Variants in RAD51B observed in about 807,000 individuals in gnomAD.
RAD51B encodes DNA repair protein RAD51 homolog 2.
RAD51B carries 38 observed loss-of-function variants against 42.2 expected under a neutral mutation model. The observed-to-expected ratio is 0.90, with a 90% CI of 0.70 to 1.18. RAD51B has a LOEUF of 1.18. Ranked by LOEUF, RAD51B falls within the 50% of genes most tolerant of loss-of-function variation. The pLI, the probability that RAD51B is intolerant of heterozygous loss-of-function variation, is 0.00. For synonymous variants in RAD51B, 154 were observed against 145.2 expected (o/e 1.06, Z -0.43); for missense variants, 373 against 400.7 (o/e 0.93, Z 0.59).
chr14:67,848,565 T>C (rs1025001146), intron 4 of RAD51B, among the ~76,000 whole-genome samples: 14 of 151,984 alleles, frequency 9.2e-5, no homozygotes, highest in African/African-American at 3.1e-4. Flanking sequence ...TTAAGTGGGG[T>C]GTTTAGAACA....
chr14:68,002,910 A>G (rs1158511230), intron 7 of RAD51B, among the ~76,000 whole-genome samples: 1 of 152,174 alleles, frequency 6.6e-6, no homozygotes, highest in African/African-American at 2.4e-5. Context: ...TACCAGTACC[A>G]TGCTGTTTTA....
chr14:68,675,177 T>G (rs1252298271), intron 11 of RAD51B, among the ~76,000 whole-genome samples: 1 of 152,126 alleles, frequency 6.6e-6, no homozygotes, highest in African/African-American at 2.4e-5. Context: ...CTCTCCTGCC[T>G]CCCTTTCTTG....
At chr14:68,275,373 A>G (rs2081199937) in intron 7 of RAD51B, among the ~76,000 whole-genome samples, 1 of 152,166 alleles carries the variant, frequency 6.6e-6, no homozygotes, top group Non-Finnish European at 1.5e-5. Flanking sequence ...GGCTTTGAAA[A>G]CATAATGGAA....
chr14:68,001,030 CTT>C (rs906674983), intron 7 of RAD51B, among the ~76,000 whole-genome samples: 4 of 152,072 alleles, frequency 2.6e-5, no homozygotes, highest in Admixed American at 1.3e-4. Context: ...ATATTATAGA[CTT>C]TTGTCCTCAA....
chr14:68,527,583 C>T (rs1000489186), intron 10 of RAD51B, among the ~76,000 whole-genome samples: 1 of 152,250 alleles, frequency 6.6e-6, no homozygotes, highest in Non-Finnish European at 1.5e-5. Flanking sequence ...TGTTTTGCTG[C>T]TCCTTTCACT....
At chr14:68,050,566 T>C (rs2076375866) in intron 7 of RAD51B, among the ~76,000 whole-genome samples, 1 of 152,218 alleles carries the variant, frequency 6.6e-6, no homozygotes, top group Non-Finnish European at 1.5e-5. Flanking sequence ...ATCAAAATTT[T>C]GATAACTGTC....
rs1232663385 is a variant in RAD51B, at chr14:68,247,322, G to A, written c.757-44562G>A. Among the ~76,000 whole-genome samples, 5 of 151,904 alleles carry A rather than the reference G, an allele frequency of 3.3e-5. No homozygotes were observed. The East Asian group carries it at 5.8e-4, about 18-fold the overall frequency. ...AATTACATTATAGCTAGTCTATCAC[G>A]GATTTTGAATTGTCTTTAAATTTTG... On this transcript the variant is annotated intron_variant, in intron 7 of 10. Transcript: ENST00000471583.
chr14:68,100,950 C>T (rs954762986), intron 7 of RAD51B, among the ~76,000 whole-genome samples: 3 of 152,202 alleles, frequency 2.0e-5, no homozygotes, highest in African/African-American at 7.2e-5. Context: ...TTAATTGACT[C>T]ACAGTTCTGC....
chr14:68,301,512 G>A (rs537650547), intron 8 of RAD51B, among the ~76,000 whole-genome samples: 43 of 151,548 alleles, frequency 2.8e-4, no homozygotes, highest in African/African-American at 1.0e-3. Context: ...CCTTTGACTG[G>A]ATACTACAAA....
chr14:67,968,992 G>A (rs1169031434), intron 7 of RAD51B, among the ~76,000 whole-genome samples: 1 of 152,150 alleles, frequency 6.6e-6, no homozygotes, highest in African/African-American at 2.4e-5. Flanking sequence ...GGAGGTGAAA[G>A]GCACTTCTTA....
intron 7 of RAD51B, among the ~76,000 whole-genome samples, chr14:68,237,677 T>G (rs2080288570): frequency 6.6e-6 from 1 of 151,980 alleles, no homozygotes. Flanking sequence ...TTATAAATAA[T>G]GCTGCTGTGA....
At chr14:67,825,692 G>A (rs574287757) in intron 3 of RAD51B, 115 bp downstream of exon 3, 2 of 721,172 alleles carry the variant, frequency 2.8e-6, no homozygotes, top group Admixed American at 7.3e-5. Flanking sequence ...AAAATACTGA[G>A]TTTTCTACTA....
chr14:68,643,944 C>T (rs1035676056), intron 10 of RAD51B, among the ~76,000 whole-genome samples: 3 of 152,172 alleles, frequency 2.0e-5, no homozygotes, highest in Admixed American at 6.5e-5. Flanking sequence ...TCTCAGATTC[C>T]GCTTTGGGCT....
rs114905743 is a variant in RAD51B, at chr14:68,535,532, G to A, written c.1037-58953G>A. Among the ~76,000 whole-genome samples, 673 of 152,210 alleles carry A rather than the reference G, an allele frequency of 4.4e-3. 11 individuals are homozygous for A. Among genetic ancestry groups the A allele is most frequent in the African/African-American group, 0.016 (651 of 41,508 alleles). ...GCATTGGGACCTAATTTCTAAGCAT[G>A]TGAATAGTGACACGTCGAGCTTACA... On this transcript the variant is annotated intron_variant, in intron 10 of 10. Transcript: ENST00000487270.
chr14:68,172,105 T>C (rs2078885616), intron 7 of RAD51B, among the ~76,000 whole-genome samples: 1 of 152,246 alleles, frequency 6.6e-6, no homozygotes, highest in Admixed American at 6.5e-5. Flanking sequence ...CAGTCAATTT[T>C]AATACATTCC....
intron 9 of RAD51B, among the ~76,000 whole-genome samples, chr14:68,424,495 T>G: frequency 6.6e-6 from 1 of 152,226 alleles, no homozygotes; most frequent in South Asian, 2.1e-4. Flanking sequence ...CTGTTCTCTC[T>G]TATTTGTAAC....
Position 67,865,147 on chromosome 14 carries a change from A to AT in RAD51B, c.452+12dup. 1.3e-6 allele frequency: 2 copies of AT among 1,582,890 alleles called. No individual in the cohort carries two copies. Among genetic ancestry groups the AT allele is most frequent in the Non-Finnish European group, 1.7e-6 (2 of 1,167,122 alleles). ...TGCATTTAGTGCTGAAAGGTATGAG[A>AT]TTTTATTTTCTATTATAATGTTTTA... On this transcript the variant is annotated intron_variant, in intron 5 of 10. Transcript: ENST00000471583.
chr14:68,388,118 C>A (rs987537769), intron 8 of RAD51B, among the ~76,000 whole-genome samples: 15 of 137,036 alleles, frequency 1.1e-4, no homozygotes, highest in African/African-American at 3.7e-4. Context: ...TTAATTGAGG[C>A]AGCCTCTCTC....
chr14:68,541,290 G>T, intron 10 of RAD51B: 1 of 985,438 alleles, frequency 1.0e-6, no homozygotes, highest in Middle Eastern at 5.2e-4. Context: ...GTTCTTTGTG[G>T]CAAAGAATAG....
Sources: allele counts gnomAD v4.1 joint callset (sites outside exome capture counted in the v4.1 genomes callset), GRCh38; gene constraint gnomAD v4.1.1; transcripts MANE v1.5; gene names NCBI Gene and HGNC (gene_info 2026-07-23, HGNC 2026-07-21).